The following HEPHL1 variants were observed in gnomAD, a reference collection of about 807,000 sequenced individuals.
HEPHL1 encodes ferroxidase HEPHL1.
Under a neutral mutation model 122.0 loss-of-function variants are expected in HEPHL1, and 123 were observed. That is an observed-to-expected ratio of 1.01 (90% CI 0.87 to 1.17). HEPHL1 has a LOEUF of 1.17. Ranked by LOEUF, HEPHL1 falls within the 50% of genes most tolerant of loss-of-function variation. The probability of loss-of-function intolerance (pLI) is 0.00; values close to 1 mark genes in which losing one functional copy is unlikely to be tolerated. For synonymous variants in HEPHL1, 527 were observed against 508.9 expected, an observed-to-expected ratio of 1.04 and a Z score of -0.48; for missense variants, 1,452 against 1,430.5, an observed-to-expected ratio of 1.01 and a Z score of -0.24.
rs1345423714 is a variant in HEPHL1 at position 94,070,517 on chromosome 11, G to A, written c.1207G>A (p.Gly403Ser). The change falls in exon 6 of 20, where the codon GGT becomes AGT. Residue 403 changes from glycine to serine, a missense_variant. Transcript: ENST00000315765. ...YAPQGYNKFS[G>S]LPLNASGSDS... ...TCCTCAAGGCTATAACAAATTCAGTGGTCTTCCTCTAAACGCCTCTGGCAG... is the reference window on the plus strand; with the variant it reads ...TCCTCAAGGCTATAACAAATTCAGTAGTCTTCCTCTAAACGCCTCTGGCAG... 3 of 1,610,886 alleles carry A rather than the reference G, an allele frequency of 1.9e-6. No individual in the cohort carries two copies. The highest frequency in any genetic ancestry group is 3.4e-5 in the Admixed American group (2 of 59,660).
At chr11:94,089,516 C>A (rs944076685) in intron 12 of HEPHL1, among the ~76,000 whole-genome samples, 3 of 152,196 alleles carry the variant, frequency 2.0e-5, no homozygotes, top group African/African-American at 7.2e-5. Flanking sequence ...AAGACTGGCC[C>A]TCCCTTAACA....
At position 94,101,265 on chromosome 11, in the gene HEPHL1, C is replaced by G. The variant is rs778904551; in HGVS notation, c.2505C>G (p.Tyr835Ter). The change falls in exon 14 of 20, where the codon TAC becomes TAG. Residue 835 changes from tyrosine to a stop codon, truncating the protein, a stop_gained. Coordinates refer to ENST00000315765, the MANE Select transcript of HEPHL1 (RefSeq NM_001098672.2). LOFTEE classifies it high-confidence loss of function. ...IIFKNKASRP[Y>*]SISAQGVEEM... is the part of the protein sequence containing the mutation. ...TTAAGAACAAAGCCAGTAGGCCCTA[C>G]TCCATCTCAGCCCAGGGTGTGGAGG... The G allele has an allele frequency of 6.2e-7, 1 of 1,613,752 alleles. No homozygotes were observed. The highest frequency in any genetic ancestry group is 1.3e-5 in the African/African-American group (1 of 74,928).
At chr11:94,096,449 A>C (rs1031326974) in intron 13 of HEPHL1, among the ~76,000 whole-genome samples, 1 of 152,128 alleles carries the variant, frequency 6.6e-6, no homozygotes, top group Non-Finnish European at 1.5e-5. Context: ...TTTTTGCATC[A>C]ATGTTCATTA....
intron 11 of HEPHL1, 40 bp from the exon 12 acceptor site, chr11:94,088,715 A>G (rs1250294630): frequency 1.3e-6 from 2 of 1,502,238 alleles, no homozygotes; most frequent in African/African-American, 1.4e-5. Context: ...CAACAAAAAT[A>G]CCGAGCACCA....
intron 11 of HEPHL1, among the ~76,000 whole-genome samples, chr11:94,087,516 A>G (rs1946227510): frequency 6.6e-6 from 1 of 152,146 alleles, no homozygotes; most frequent in Non-Finnish European, 1.5e-5. Flanking sequence ...GGTAGAGTAG[A>G]CTATATGCTG....
At chr11:94,089,001 T>A in intron 12 of HEPHL1, 33 bp downstream of exon 12, 1 of 1,591,258 alleles carries the variant, frequency 6.3e-7, no homozygotes, top group African/African-American at 1.3e-5. Context: ...GGCTCCTCGG[T>A]GGGATCGCGC....
chr11:94,091,437 G>C (rs1946263325), intron 12 of HEPHL1, among the ~76,000 whole-genome samples: 1 of 152,118 alleles, frequency 6.6e-6, no homozygotes, highest in Non-Finnish European at 1.5e-5. Context: ...CATGTAACTG[G>C]GTCTCCTGAA....
chr11:94,027,425 T>C (rs1375597985), intron 1 of HEPHL1, among the ~76,000 whole-genome samples: 2 of 152,194 alleles, frequency 1.3e-5, no homozygotes, highest in African/African-American at 2.4e-5. Flanking sequence ...AGCTCTGCCG[T>C]CTCACGGGGT....
rs180811765 is a variant in HEPHL1, at chr11:94,050,443, C to T, written c.415+4526C>T. 8.3e-4 allele frequency among the ~76,000 whole-genome samples: 127 copies of T among 152,188 alleles called. 1 individual carries two copies. Among genetic ancestry groups the T allele is most frequent in the East Asian group, 2.9e-3 (15 of 5,192 alleles). On this transcript the variant is annotated intron_variant, in intron 2 of 19. Coordinates refer to ENST00000315765, the MANE Select transcript of HEPHL1 (RefSeq NM_001098672.2). The stretch of plus-strand genomic sequence containing the variant: ...AGGAAGAAAGCATTTTGTCTTCCTC[C>T]GTTAGGCATGAGGCTAGCTGTACAT...
intron 17 of HEPHL1, among the ~76,000 whole-genome samples, chr11:94,106,556 C>T (rs1007593300): frequency 5.9e-5 from 9 of 151,904 alleles, no homozygotes; most frequent in African/African-American, 2.2e-4. Flanking sequence ...CGGCCTCCCA[C>T]AGTGCTGAGA....
At chr11:94,047,397 C>T (rs1434814336) in intron 2 of HEPHL1, among the ~76,000 whole-genome samples, 10 of 151,886 alleles carry the variant, frequency 6.6e-5, no homozygotes, top group Admixed American at 5.2e-4. Context: ...GTGTGTTGTT[C>T]CCCTCTATGT....
chr11:94,086,284 C>A (rs1946217811), intron 11 of HEPHL1, 95 bp downstream of exon 11: 5 of 888,536 alleles, frequency 5.6e-6, no homozygotes, highest in Non-Finnish European at 1.8e-6. Flanking sequence ...AGACTTTGTG[C>A]ACTTCAAGTG....
chr11:94,045,633 TTTTCA>T, intron 1 of HEPHL1, 35 bp from the exon 2 acceptor site: 1 of 1,523,256 alleles, frequency 6.6e-7, no homozygotes, highest in Non-Finnish European at 8.9e-7. Context: ...AGGTCTTCTC[TTTTCA>T]TTTCAATTAA....
At position 94,086,041 on chromosome 11, in the gene HEPHL1, C is replaced by T. The variant is rs770941688; in HGVS notation, c.1932C>T (p.Ser644=). 2 of 1,613,932 alleles carry T rather than the reference C, an allele frequency of 1.2e-6. No homozygotes were observed. The highest frequency in any genetic ancestry group is 2.2e-5 in the East Asian group (1 of 44,872). Residue 644 remains serine, a synonymous_variant, in exon 11 of 20, where the codon TCC becomes TCT. Coordinates refer to ENST00000315765, the MANE Select transcript of HEPHL1 (RefSeq NM_001098672.2). The part of the protein sequence containing the change: ...GLNMCKRDRV[S]WHLIGLGTDT... The stretch of plus-strand genomic sequence containing the variant: ...ACATGTGTAAAAGGGATAGAGTTTC[C>T]TGGCATCTGATTGGATTGGGCACTG...
At chr11:94,051,875 G>A (rs1425007500) in intron 2 of HEPHL1, among the ~76,000 whole-genome samples, 1 of 152,070 alleles carries the variant, frequency 6.6e-6, no homozygotes. Context: ...AGTTTTCCCA[G>A]TACCATTTAT....
chr11:94,100,155 A>T (rs909842602), intron 13 of HEPHL1, among the ~76,000 whole-genome samples: 1 of 151,970 alleles, frequency 6.6e-6, no homozygotes, highest in South Asian at 2.1e-4. Flanking sequence ...TCTTGGAACT[A>T]CCCCCTAAGA....
In HEPHL1 at chr11:94,086,076, T is replaced by C. The variant is rs552738008; in HGVS notation, c.1967T>C (p.Met656Thr). The change falls in exon 11 of 20, where the codon ATG becomes ACG. Residue 656 changes from methionine to threonine, a missense_variant. By Grantham distance (81) the Met-to-Thr change is moderately conservative. Transcript: ENST00000315765. The part of the protein sequence containing the change: ...HLIGLGTDTD[M>T]HGIVFQGNTI... ...ATTGGATTGGGCACTGACACTGACA[T>C]GCATGGAATTGTTTTTCAAGGGAAC... 2 of 1,613,728 alleles carry C rather than the reference T, an allele frequency of 1.2e-6. No homozygotes were observed. Among genetic ancestry groups the C allele is most frequent in the Admixed American group, 1.7e-5 (1 of 60,010 alleles).
intron 1 of HEPHL1, among the ~76,000 whole-genome samples, chr11:94,036,027 C>G (rs1293806441): frequency 6.6e-6 from 1 of 152,216 alleles, no homozygotes; most frequent in Non-Finnish European, 1.5e-5. Flanking sequence ...TGAGCCAACG[C>G]GCCCAGCCTG....
At chr11:94,032,585 C>T (rs901342852) in intron 1 of HEPHL1, among the ~76,000 whole-genome samples, 3 of 152,172 alleles carry the variant, frequency 2.0e-5, no homozygotes, top group African/African-American at 7.2e-5. Flanking sequence ...ACCCAGCAAA[C>T]TGAAGCCTAT....
Sources: gnomAD v4.1 joint callset for allele counts (sites outside exome capture counted in the v4.1 genomes callset) on GRCh38, gnomAD v4.1.1 for gene constraint, MANE v1.5 for transcripts, NCBI Gene and HGNC (gene_info 2026-07-23, HGNC 2026-07-21) for gene names.